Variants in KIF6 observed in about 807,000 individuals in gnomAD.
KIF6 encodes kinesin-like protein KIF6.
A neutral mutation model predicts 112.7 loss-of-function variants in KIF6; 106 were observed. The observed-to-expected ratio is 0.94, with a 90% CI of 0.80 to 1.11. The LOEUF is 1.11. KIF6 is among the 50% of genes least tolerant of loss of function. The probability of loss-of-function intolerance (pLI) is 0.00; values close to 1 mark genes in which losing one functional copy is unlikely to be tolerated. For synonymous variants in KIF6, 339 were observed against 339.9 expected, an observed-to-expected ratio of 1.00 and a Z score of 0.03; for missense variants, 929 against 964.0, an observed-to-expected ratio of 0.96 and a Z score of 0.48.
chr6:39,601,665 T>C (rs1782576811), intron 6 of KIF6, among the ~76,000 whole-genome samples: 1 of 151,894 alleles, frequency 6.6e-6, no homozygotes, highest in South Asian at 2.1e-4. Flanking sequence ...GAAGTGTTAC[T>C]ATACCGGATT....
At chr6:39,666,947 T>C (rs1160222393) in intron 3 of KIF6, among the ~76,000 whole-genome samples, 1 of 152,178 alleles carries the variant, frequency 6.6e-6, no homozygotes, top group Admixed American at 6.6e-5. Flanking sequence ...CAATAATAAT[T>C]AGCTTTTAAA....
At chr6:39,614,906 G>A (rs572771841) in intron 5 of KIF6, among the ~76,000 whole-genome samples, 3 of 152,242 alleles carry the variant, frequency 2.0e-5, no homozygotes, top group East Asian at 1.9e-4. Flanking sequence ...CTAGAGACAC[G>A]GAAGTAATGA....
chr6:39,609,472 A>G, intron 6 of KIF6, among the ~76,000 whole-genome samples: 1 of 144,912 alleles, frequency 6.9e-6, no homozygotes, highest in South Asian at 2.3e-4. Flanking sequence ...CACAGTATTC[A>G]CTTCCTACAG....
chr6:39,363,114 A>C (rs1014998496), intron 16 of KIF6, among the ~76,000 whole-genome samples: 3 of 152,196 alleles, frequency 2.0e-5, no homozygotes, highest in Non-Finnish European at 2.9e-5. Flanking sequence ...ATGCCATTGC[A>C]CTCCAGCTTG....
At chr6:39,428,431 G>A (rs1187288205) in intron 14 of KIF6, among the ~76,000 whole-genome samples, 1 of 152,206 alleles carries the variant, frequency 6.6e-6, no homozygotes, top group Non-Finnish European at 1.5e-5. Context: ...ACATGGATAA[G>A]CATTAGAAGG....
At chr6:39,428,489 T>C (rs998381361) in intron 14 of KIF6, among the ~76,000 whole-genome samples, 1 of 152,218 alleles carries the variant, frequency 6.6e-6, no homozygotes, top group Admixed American at 6.5e-5. Flanking sequence ...CAGATGTGCA[T>C]ATGTCCCCCT....
intron 15 of KIF6, among the ~76,000 whole-genome samples, chr6:39,413,002 T>C (rs1769601796): frequency 6.6e-6 from 1 of 152,134 alleles, no homozygotes; most frequent in African/African-American, 2.4e-5. Flanking sequence ...TAATAATAGA[T>C]TGTGTTGCCT....
chr6:39,588,952 C>G (rs888734618), intron 7 of KIF6, among the ~76,000 whole-genome samples: 1 of 152,198 alleles, frequency 6.6e-6, no homozygotes, highest in Non-Finnish European at 1.5e-5. Flanking sequence ...CTCCACACAG[C>G]AGCCAGAGAA....
chr6:39,365,413 C>G (rs2150270612), intron 16 of KIF6, among the ~76,000 whole-genome samples: 1 of 152,306 alleles, frequency 6.6e-6, no homozygotes, highest in East Asian at 1.9e-4. Context: ...GTCTCAGGCA[C>G]AGGAAGCCCT....
chr6:39,606,485 A>C (rs767359780), intron 6 of KIF6, among the ~76,000 whole-genome samples: 3 of 152,164 alleles, frequency 2.0e-5, no homozygotes, highest in Non-Finnish European at 4.4e-5. Flanking sequence ...GAACATGACT[A>C]TCCCTTTCCT....
intron 8 of KIF6, 137 bp from the exon 9 acceptor site, chr6:39,585,121 T>C (rs771671824): frequency 5.3e-6 from 3 of 560,814 alleles, no homozygotes; most frequent in East Asian, 2.8e-5. Flanking sequence ...TGAGGAACTA[T>C]GCCCCTAAAT....
At chr6:39,663,191 T>C (rs901644698) in intron 3 of KIF6, among the ~76,000 whole-genome samples, 1 of 152,146 alleles carries the variant, frequency 6.6e-6, no homozygotes, top group African/African-American at 2.4e-5. Flanking sequence ...TTTCTGAAGA[T>C]CAAATTAGAG....
chr6:39,589,926 T>G (rs567357638), intron 7 of KIF6, among the ~76,000 whole-genome samples: 1 of 152,366 alleles, frequency 6.6e-6, no homozygotes, highest in East Asian at 1.9e-4. Context: ...TTAAGAAATT[T>G]GACAAATATA....
chr6:39,542,488 A>G (rs1778841343), intron 12 of KIF6, among the ~76,000 whole-genome samples: 1 of 152,126 alleles, frequency 6.6e-6, no homozygotes, highest in Non-Finnish European at 1.5e-5. Context: ...AAACTCAATT[A>G]TAATCACTTT....
intron 3 of KIF6, among the ~76,000 whole-genome samples, chr6:39,702,386 T>C (rs886517283): frequency 6.6e-6 from 1 of 152,182 alleles, no homozygotes; most frequent in African/African-American, 2.4e-5. Context: ...CTCAGATTCC[T>C]TCGGCCATGG....
chr6:39,722,449 C>A (rs966818334), intron 1 of KIF6, among the ~76,000 whole-genome samples: 1 of 151,974 alleles, frequency 6.6e-6, no homozygotes, highest in Non-Finnish European at 1.5e-5. Context: ...AGAACAAGTG[C>A]AAGGATGATT....
chr6:39,411,312 C>T (rs1769459151), intron 15 of KIF6, among the ~76,000 whole-genome samples: 1 of 152,188 alleles, frequency 6.6e-6, no homozygotes, highest in Non-Finnish European at 1.5e-5. Flanking sequence ...GGTCCTGGTT[C>T]CAGCTCCTAT....
intron 3 of KIF6, among the ~76,000 whole-genome samples, chr6:39,683,734 C>A (rs183476864): frequency 2.0e-4 from 29 of 142,826 alleles, no homozygotes; most frequent in African/African-American, 6.8e-4. Flanking sequence ...AGAAGAACAG[C>A]CGAGTGGGTA....
chr6:39,494,320 G>A (rs1485404944), intron 13 of KIF6, among the ~76,000 whole-genome samples: 1 of 152,210 alleles, frequency 6.6e-6, no homozygotes, highest in African/African-American at 2.4e-5. Context: ...TCACAAGGAT[G>A]TTTATACATT....
Sources: allele counts gnomAD v4.1 joint callset (sites outside exome capture counted in the v4.1 genomes callset), GRCh38; gene constraint gnomAD v4.1.1; transcripts MANE v1.5; gene names NCBI Gene and HGNC (gene_info 2026-07-23, HGNC 2026-07-21).